The following RALGAPA2 variants were observed in gnomAD, a reference collection of about 807,000 sequenced individuals.
The protein encoded by RALGAPA2 is ral GTPase-activating protein subunit alpha-2.
In RALGAPA2, 139 loss-of-function variants were observed where a neutral mutation model predicts 230.4. The ratio of observed to expected loss-of-function variants is 0.60; its 90% confidence interval spans 0.53 to 0.69. RALGAPA2 has a LOEUF of 0.69. Among genes scored for constraint, RALGAPA2 ranks in the 30% least tolerant of loss-of-function variants. RALGAPA2 has a pLI of 0.00. For missense variants in RALGAPA2, 2,163 were observed against 2,276.0 expected (o/e 0.95, Z 1.01); for synonymous variants, 847 against 837.8 (o/e 1.01, Z -0.19).
chr20:20,572,050 A>G (rs952408590), intron 21 of RALGAPA2, 104 bp from the exon 22 acceptor site: 3 of 739,214 alleles, frequency 4.1e-6, no homozygotes, highest in South Asian at 1.7e-5. Context: ...GTTAATTTCT[A>G]TAAGTGAAAA....
At chr20:20,681,549 C>T (rs1172695610) in intron 1 of RALGAPA2, among the ~76,000 whole-genome samples, 1 of 152,186 alleles carries the variant, frequency 6.6e-6, no homozygotes, top group Non-Finnish European at 1.5e-5. Flanking sequence ...TAAAACCTCA[C>T]AATGCTGGGG....
intron 23 of RALGAPA2, among the ~76,000 whole-genome samples, chr20:20,568,120 C>T (rs938838909): frequency 3.9e-5 from 6 of 151,930 alleles, no homozygotes; most frequent in Non-Finnish European, 8.8e-5. Flanking sequence ...GCCGGGTAGC[C>T]CTGAAAGTCA....
rs111305395 is a variant in RALGAPA2, at chr20:20,401,158, T to G, written c.5618-4424A>C. ...AAAACATCGACTTGTATACTTCATG[T>G]GGTTGAACTGCACAGTATGTGAATT... On this transcript the variant is annotated intron_variant, in intron 38 of 39. Coordinates refer to ENST00000202677, the MANE Select transcript of RALGAPA2 (RefSeq NM_020343.4). 6.3e-3 allele frequency among the ~76,000 whole-genome samples: 966 copies of G among 152,300 alleles called. 11 individuals are homozygous for G. The highest frequency in any genetic ancestry group is 0.022 in the African/African-American group (910 of 41,570).
intron 16 of RALGAPA2, among the ~76,000 whole-genome samples, chr20:20,601,285 A>G (rs2065643380): frequency 6.6e-6 from 1 of 152,236 alleles, no homozygotes; most frequent in Non-Finnish European, 1.5e-5. Flanking sequence ...ATGTCTATCC[A>G]GTCCTGAAAT....
rs1285510799 is a variant in RALGAPA2, at chr20:20,712,051, C to T, written c.106+324G>A. On this transcript the variant is annotated intron_variant, in intron 1 of 39. Transcript: ENST00000202677. This position sits in a 1 kb window ranked among gnomAD's most constrained non-coding sequence, Gnocchi z 5.5. ...CAGTTCAATGTGTGCACGTGATGAC[C>T]ACTTGGGATCCAGTTCACTTGCTGG... Among the ~76,000 whole-genome samples, 1 of 152,076 alleles carries T rather than the reference C, an allele frequency of 6.6e-6. No homozygotes were observed. The highest frequency in any genetic ancestry group is 1.9e-4 in the East Asian group (1 of 5,176).
In RALGAPA2 at chr20:20,389,877, A is replaced by G. The variant is rs752208385; in HGVS notation, c.*3412T>C. 2.0e-5 allele frequency: 3 copies of G among 152,212 alleles called. No homozygotes were observed. Among genetic ancestry groups the G allele is most frequent in the Non-Finnish European group, 2.9e-5 (2 of 68,036 alleles). The allele number at this position is 152,212 out of a possible 1,614,324, so 9.4% of individuals were successfully genotyped here. A position where few individuals can be genotyped will look rare whatever the true frequency, so the allele number is the denominator to read the frequency against. ...CAAAATAAGAATCAAATGACACGCT[A>G]TAACTTAATTTACCATATTTATCAA... On this transcript the variant is annotated 3_prime_UTR_variant, in exon 40 of 40. Transcript: ENST00000202677.
intron 1 of RALGAPA2, among the ~76,000 whole-genome samples, chr20:20,693,254 C>T: frequency 6.6e-6 from 1 of 152,146 alleles, no homozygotes; most frequent in East Asian, 1.9e-4. Context: ...TTTTACTTAA[C>T]ATTTTTGACA....
intron 37 of RALGAPA2, among the ~76,000 whole-genome samples, chr20:20,447,378 A>T (rs936691278): frequency 1.3e-5 from 2 of 152,170 alleles, no homozygotes; most frequent in African/African-American, 4.8e-5. Context: ...CAGCTACACA[A>T]ACACAACACT....
chr20:20,647,089 G>A (rs1019012255), intron 4 of RALGAPA2, among the ~76,000 whole-genome samples: 1 of 152,038 alleles, frequency 6.6e-6, no homozygotes, highest in African/African-American at 2.4e-5. Flanking sequence ...TCTCATTTTA[G>A]ATTGTAAGAA....
intron 15 of RALGAPA2, among the ~76,000 whole-genome samples, chr20:20,603,588 G>A (rs2146223037): frequency 6.6e-6 from 1 of 152,282 alleles, no homozygotes; most frequent in Middle Eastern, 3.4e-3. Context: ...GAACAAGCCT[G>A]AGCTAGCCTC....
At chr20:20,556,046 G>A (rs2064073221) in intron 23 of RALGAPA2, among the ~76,000 whole-genome samples, 2 of 152,120 alleles carry the variant, frequency 1.3e-5, no homozygotes, top group South Asian at 4.1e-4. Context: ...TGGGAAGAAA[G>A]CCAGAGCCAG....
At chr20:20,625,900 G>A (rs2066476426) in intron 10 of RALGAPA2, among the ~76,000 whole-genome samples, 1 of 152,140 alleles carries the variant, frequency 6.6e-6, no homozygotes, top group Non-Finnish European at 1.5e-5. Context: ...TCCTACTTCA[G>A]TTACTGTCTA....
Position 20,605,594 on chromosome 20 carries a change from T to C in RALGAPA2, c.1801-182A>G, listed in dbSNP as rs551771295. 2.2e-4 allele frequency among the ~76,000 whole-genome samples: 33 copies of C among 152,348 alleles called. No individual in the cohort carries two copies. In the South Asian group the frequency reaches 4.3e-3, roughly 20 times the overall value. On this transcript the variant is annotated intron_variant, in intron 14 of 39. Coordinates refer to ENST00000202677, the MANE Select transcript of RALGAPA2 (RefSeq NM_020343.4). Reference sequence around the variant, plus strand: ...CCAACTATAATCAAAATTTAAGCTATTGGGGAGTTAGTTATCATTATGAAC... The same window carrying C: ...CCAACTATAATCAAAATTTAAGCTACTGGGGAGTTAGTTATCATTATGAAC...
At chr20:20,403,859 G>C (rs1478953656) in intron 38 of RALGAPA2, among the ~76,000 whole-genome samples, 1 of 152,190 alleles carries the variant, frequency 6.6e-6, no homozygotes, top group Non-Finnish European at 1.5e-5. Context: ...GGGTATGGGG[G>C]AGTGGAACCT....
At chr20:20,708,167 T>C (rs1395961842) in intron 1 of RALGAPA2, among the ~76,000 whole-genome samples, 1 of 152,220 alleles carries the variant, frequency 6.6e-6, no homozygotes, top group East Asian at 1.9e-4. Flanking sequence ...ATTAAATACA[T>C]GGAGTTAAAT....
At chr20:20,597,131 G>T (rs146889685) in intron 16 of RALGAPA2, among the ~76,000 whole-genome samples, 1 of 152,062 alleles carries the variant, frequency 6.6e-6, no homozygotes, top group African/African-American at 2.4e-5. Flanking sequence ...ACAAACTAGT[G>T]AAAAACTTAA....
At chr20:20,638,272 G>T (rs955286018) in intron 7 of RALGAPA2, among the ~76,000 whole-genome samples, 2 of 152,184 alleles carry the variant, frequency 1.3e-5, no homozygotes, top group African/African-American at 4.8e-5. Context: ...CTTAATGCTT[G>T]TTAGACCACA....
At chr20:20,411,080 TAAC>T (rs1215998453) in intron 38 of RALGAPA2, among the ~76,000 whole-genome samples, 2 of 152,244 alleles carry the variant, frequency 1.3e-5, no homozygotes, top group Non-Finnish European at 2.9e-5. Flanking sequence ...AGATATTTGT[TAAC>T]AAGTCAGAAT....
intron 1 of RALGAPA2, among the ~76,000 whole-genome samples, chr20:20,696,924 T>TG (rs2069135689): frequency 6.6e-6 from 1 of 152,302 alleles, no homozygotes; most frequent in East Asian, 1.9e-4. Context: ...TTTTTAGAGA[T>TG]GGGGTCTCAC....
Sources: gnomAD v4.1 joint callset for allele counts (sites outside exome capture counted in the v4.1 genomes callset) on GRCh38, gnomAD v4.1.1 for gene constraint, Gnocchi (gnomAD v3.1) non-coding constraint, MANE v1.5 for transcripts, NCBI Gene and HGNC (gene_info 2026-07-23, HGNC 2026-07-21) for gene names.